FAM151B: variants seen among roughly 807,000 people sequenced by gnomAD.
The protein encoded by FAM151B is family with sequence similarity 151 member B, also known as protein FAM151B.
A neutral mutation model predicts 31.2 loss-of-function variants in FAM151B; 24 were observed. The ratio of observed to expected loss-of-function variants is 0.77; its 90% CI spans 0.56 to 1.08. FAM151B has a LOEUF of 1.08. FAM151B is among the 50% of genes least tolerant of loss of function. The probability of loss-of-function intolerance (pLI) is 0.00; values close to 1 mark genes in which losing one functional copy is unlikely to be tolerated. For synonymous variants in FAM151B, 105 were observed against 111.4 expected, an observed-to-expected ratio of 0.94 and a Z score of 0.36; for missense variants, 293 against 328.6, an observed-to-expected ratio of 0.89 and a Z score of 0.84.
intron 2 of FAM151B, among the ~76,000 whole-genome samples, chr5:80,509,735 T>C (rs978651923): frequency 6.6e-6 from 1 of 152,248 alleles, no homozygotes; most frequent in Non-Finnish European, 1.5e-5. Context: ...GTTAATTATT[T>C]AGCTTAGCTC....
chr5:80,499,834 T>C (rs980397165), intron 1 of FAM151B: 2 of 151,840 alleles, frequency 1.3e-5, no homozygotes, highest in African/African-American at 2.4e-5. Context: ...TCCCTCAATA[T>C]CTTGTCTGTT....
intron 5 of FAM151B, among the ~76,000 whole-genome samples, chr5:80,538,464 T>TCTCTCTCTC (rs1561383734): frequency 1.3e-4 from 14 of 108,392 alleles, no homozygotes; most frequent in East Asian, 5.2e-4. Flanking sequence ...CTTTCTTTCT[T>TCTCTCTCTC]TCTTTCTTTC....
At chr5:80,501,299 C>T (rs1227327362) in intron 1 of FAM151B, 21 of 714,352 alleles carry the variant, frequency 2.9e-5, no homozygotes, top group Non-Finnish European at 4.2e-5. Flanking sequence ...GGATTACAGG[C>T]GTGAGCCACC....
chr5:80,513,504 C>CA (rs1561368464), intron 2 of FAM151B, 100 bp from the exon 3 acceptor site: 1 of 1,193,044 alleles, frequency 8.4e-7, no homozygotes. Context: ...CTTTTCTTTC[C>CA]TTTTTTTTTA....
chr5:80,526,534 C>T (rs1021720345), intron 5 of FAM151B, among the ~76,000 whole-genome samples: 17 of 151,570 alleles, frequency 1.1e-4, no homozygotes, highest in Admixed American at 1.1e-3. Context: ...ATGGGGGAAT[C>T]GCTTGAATTT....
intron 5 of FAM151B, among the ~76,000 whole-genome samples, chr5:80,528,643 G>A (rs1317501620): frequency 6.6e-6 from 1 of 151,896 alleles, no homozygotes; most frequent in Non-Finnish European, 1.5e-5. Flanking sequence ...TGTAATCCCA[G>A]CTGCTTGGGA....
chr5:80,531,710 T>G (rs1340036202), intron 5 of FAM151B, among the ~76,000 whole-genome samples: 1 of 152,178 alleles, frequency 6.6e-6, no homozygotes, highest in African/African-American at 2.4e-5. Context: ...TCAGTTAGAA[T>G]GGCAATCATT....
chr5:80,500,628 G>T (rs1743706798), intron 1 of FAM151B: 4 of 762,374 alleles, frequency 5.2e-6, no homozygotes, highest in South Asian at 1.3e-5. Flanking sequence ...GGTGTCAGTG[G>T]TGTGAGCCCA....
intron 5 of FAM151B, among the ~76,000 whole-genome samples, chr5:80,527,277 G>T (rs975666906): frequency 6.6e-6 from 1 of 152,022 alleles, no homozygotes; most frequent in Non-Finnish European, 1.5e-5. Flanking sequence ...ACAAAAATTA[G>T]CTGGGTGTGG....
At chr5:80,497,792 G>A (rs1405475227) in intron 1 of FAM151B, among the ~76,000 whole-genome samples, 3 of 145,632 alleles carry the variant, frequency 2.1e-5, no homozygotes, top group Non-Finnish European at 4.5e-5. Flanking sequence ...AGGGCCTGTC[G>A]TGGGGTAGGG....
intron 1 of FAM151B, among the ~76,000 whole-genome samples, chr5:80,489,388 AC>A (rs773827681): frequency 2.0e-5 from 3 of 152,056 alleles, no homozygotes; most frequent in Non-Finnish European, 2.9e-5. Flanking sequence ...ATTTTTTCAG[AC>A]CAGAGTTTTC....
chr5:80,507,660 G>A (rs934122780), intron 2 of FAM151B, among the ~76,000 whole-genome samples: 1 of 152,184 alleles, frequency 6.6e-6, no homozygotes, highest in Non-Finnish European at 1.5e-5. Context: ...CAGCCTGGGC[G>A]ACAGAACGAG....
rs773499124 is a variant in FAM151B, at chr5:80,488,101, C to CGCGGACG, written c.-18_-12dup. ...GCAGGGGCGCCAGCCTGGGCGCCTG[C>CGCGGACG]GCGGACGGCGGGCGTCGTCACCATG... On this transcript the variant is annotated 5_prime_UTR_variant, in exon 1 of 6. Coordinates refer to ENST00000282226, the MANE Select transcript of FAM151B (RefSeq NM_205548.3). 7.8e-6 allele frequency: 12 copies of CGCGGACG among 1,539,424 alleles called. No individual in the cohort carries two copies. The highest frequency in any genetic ancestry group is 1.0e-5 in the Non-Finnish European group (12 of 1,146,452).
At chr5:80,489,921 CAAAACA>C (rs950771182) in intron 1 of FAM151B, among the ~76,000 whole-genome samples, 16 of 150,442 alleles carry the variant, frequency 1.1e-4, no homozygotes, top group African/African-American at 3.5e-4. Context: ...GAAACTGTCT[CAAAACA>C]AAAACAAAAA....
chr5:80,497,925 T>A (rs891529507), intron 1 of FAM151B, among the ~76,000 whole-genome samples: 1 of 152,130 alleles, frequency 6.6e-6, no homozygotes, highest in Non-Finnish European at 1.5e-5. Flanking sequence ...ACATGTACCC[T>A]AGAACTTAAA....
At chr5:80,506,108 A>T in intron 2 of FAM151B, 9 of 985,402 alleles carry the variant, frequency 9.1e-6, no homozygotes, top group Non-Finnish European at 9.6e-6. Context: ...AAGCATATGG[A>T]AACTGGTTCC....
At chr5:80,502,383 A>G (rs1055888567) in intron 2 of FAM151B, among the ~76,000 whole-genome samples, 3 of 152,176 alleles carry the variant, frequency 2.0e-5, no homozygotes, top group Non-Finnish European at 4.4e-5. Context: ...AGGACCATGT[A>G]TCTTACATAT....
intron 3 of FAM151B, among the ~76,000 whole-genome samples, chr5:80,516,424 A>G (rs1353215595): frequency 6.6e-6 from 1 of 152,246 alleles, no homozygotes; most frequent in Non-Finnish European, 1.5e-5. Flanking sequence ...GCAATTTTAT[A>G]TAGTTTGTTA....
chr5:80,515,777 A>C (rs1186522017), intron 3 of FAM151B, among the ~76,000 whole-genome samples: 1 of 152,186 alleles, frequency 6.6e-6, no homozygotes, highest in Non-Finnish European at 1.5e-5. Flanking sequence ...TCTCGTAACA[A>C]TCCTAAGAGG....
Sources: gnomAD v4.1 joint callset for allele counts (sites outside exome capture counted in the v4.1 genomes callset) on GRCh38, gnomAD v4.1.1 for gene constraint, MANE v1.5 for transcripts, NCBI Gene and HGNC (gene_info 2026-07-23, HGNC 2026-07-21) for gene names.